CSRP1: variants seen among roughly 807,000 people sequenced by gnomAD.
CSRP1 encodes cysteine and glycine rich protein 1.
In CSRP1, 16 loss-of-function variants were observed where a neutral mutation model predicts 25.4. The ratio of observed to expected loss-of-function variants is 0.63; its 90% CI spans 0.43 to 0.96. The LOEUF is 0.96. CSRP1 is among the 40% of genes least tolerant of loss of function. The pLI is 0.00. For missense variants in CSRP1, 212 were observed against 243.6 expected (o/e 0.87, Z 0.86); for synonymous variants, 97 against 95.3 (o/e 1.02, Z -0.10).
chr1:201,496,225 C>G lies in CSRP1; in HGVS notation c.79G>C (p.Gly27Arg), dbSNP rs1439408475. 2 of 1,614,238 alleles carry G rather than the reference C, an allele frequency of 1.2e-6. No homozygotes were observed. The highest frequency in any genetic ancestry group is 1.7e-6 in the Non-Finnish European group (2 of 1,180,046). Residue 27 changes from glycine (G) to arginine (R), a missense_variant, in exon 2 of 6, where the codon GGC becomes CGC. Coordinates refer to ENST00000340006, the MANE Select transcript of CSRP1 (RefSeq NM_004078.3). ...AAGCAGGATTTATGGAAGCTGTTGC[C>G]TTCGCACTGAACCTCTTCGGCAAAG... ...VYFAEEVQCEGNSFHKSCFLC... is the reference protein window; with the variant it reads ...VYFAEEVQCERNSFHKSCFLC...
chr1:201,506,199 G>A (rs1052208977), intron 1 of CSRP1, among the ~76,000 whole-genome samples: 1 of 151,968 alleles, frequency 6.6e-6, no homozygotes, highest in African/African-American at 2.4e-5. Flanking sequence ...GGATTTCCTC[G>A]GTGCCACTGT....
chr1:201,504,799 A>T (rs1236318164), intron 1 of CSRP1, among the ~76,000 whole-genome samples: 1 of 70,690 alleles, frequency 1.4e-5, no homozygotes, highest in South Asian at 4.9e-4. Context: ...GCTGTCTCCA[A>T]AAAAAAAAAA....
intron 1 of CSRP1, chr1:201,506,818 C>T (rs993875934): frequency 2.0e-5 from 3 of 152,378 alleles, no homozygotes; most frequent in Non-Finnish European, 2.9e-5. Flanking sequence ...TGCGGGGAGC[C>T]GGGTCGCCCT....
intron 1 of CSRP1, among the ~76,000 whole-genome samples, chr1:201,497,942 A>G (rs1163337471): frequency 6.6e-6 from 1 of 151,942 alleles, no homozygotes; most frequent in Non-Finnish European, 1.5e-5. Context: ...CCTGGGAGGC[A>G]GAGGTTGCAG....
At chr1:201,492,166 C>T (rs949992889) in intron 2 of CSRP1, 1 of 152,262 alleles carries the variant, frequency 6.6e-6, no homozygotes, top group Admixed American at 6.5e-5. Flanking sequence ...CTGAAAATTC[C>T]AAGACCAGAG....
chr1:201,503,577 T>C (rs1664728088), intron 1 of CSRP1, among the ~76,000 whole-genome samples: 1 of 152,150 alleles, frequency 6.6e-6, no homozygotes, highest in African/African-American at 2.4e-5. Context: ...CGCTGCCTTC[T>C]GGCCCTGGGG....
At chr1:201,499,338 G>A (rs111751949) in intron 1 of CSRP1, among the ~76,000 whole-genome samples, 2,025 of 152,312 alleles carry the variant, frequency 0.013, 23 homozygotes, top group Middle Eastern at 0.037. Context: ...CCCAGATGGA[G>A]GAACAGAGCC....
chr1:201,505,312 A>C (rs1165520056), intron 1 of CSRP1, among the ~76,000 whole-genome samples: 1 of 152,170 alleles, frequency 6.6e-6, no homozygotes, highest in Non-Finnish European at 1.5e-5. Flanking sequence ...CCCAGGCTGC[A>C]ACTCTGGCCC....
Position 201,504,466 on chromosome 1 carries a change from C to T in CSRP1, c.-2+2604G>A, listed in dbSNP as rs184917722. ...ATATGCCCTGAGTAATGCCAAATGGCTGACTTGGAGGAAAAAGTCTTATTC... is the reference window on the plus strand; with the variant it reads ...ATATGCCCTGAGTAATGCCAAATGGTTGACTTGGAGGAAAAAGTCTTATTC... On this transcript the variant is annotated intron_variant, in intron 1 of 5. Transcript: ENST00000340006. Among the ~76,000 whole-genome samples, 234 of 152,344 alleles carry T rather than the reference C, an allele frequency of 1.5e-3. 1 individual carries two copies. Among genetic ancestry groups the T allele is most frequent in the Middle Eastern group, 0.014 (4 of 294 alleles).
At position 201,502,558 on chromosome 1, in the gene CSRP1, T is replaced by G. The variant is rs115880457; in HGVS notation, c.-2+4512A>C. 4.1e-3 allele frequency among the ~76,000 whole-genome samples: 621 copies of G among 152,330 alleles called. 5 individuals carry two copies. The highest frequency in any genetic ancestry group is 0.014 in the African/African-American group (597 of 41,584). ...GAGATGGGGCAGGCTTGGCCTCAGC[T>G]TTCCATGTCCCACCTCATGTTTCCT... is the stretch of plus-strand genomic sequence containing the variant. On this transcript the variant is annotated intron_variant, in intron 1 of 5. Coordinates refer to ENST00000340006, the MANE Select transcript of CSRP1 (RefSeq NM_004078.3).
chr1:201,497,358 C>CAAAAAAAAAA (rs71564149), intron 1 of CSRP1, among the ~76,000 whole-genome samples: 1 of 44,582 alleles, frequency 2.2e-5, no homozygotes, highest in Non-Finnish European at 4.0e-5. Context: ...GACTCTGTCT[C>CAAAAAAAAAA]AAAAAAAAAA....
chr1:201,486,046 C>T (rs1186429884), intron 4 of CSRP1: 1 of 152,362 alleles, frequency 6.6e-6, no homozygotes, highest in African/African-American at 2.4e-5. Context: ...GACATACTGC[C>T]ACCCTCCCCT....
chr1:201,501,742 T>C (rs1357757088), intron 1 of CSRP1, among the ~76,000 whole-genome samples: 1 of 152,130 alleles, frequency 6.6e-6, no homozygotes, highest in Non-Finnish European at 1.5e-5. Flanking sequence ...CCTGTAATCC[T>C]TGCACTTTGG....
chr1:201,506,199 G>C (rs1052208977), intron 1 of CSRP1, among the ~76,000 whole-genome samples: 3 of 151,968 alleles, frequency 2.0e-5, no homozygotes, highest in African/African-American at 7.3e-5. Context: ...GGATTTCCTC[G>C]GTGCCACTGT....
chr1:201,500,532 TG>T (rs765334668), intron 1 of CSRP1, among the ~76,000 whole-genome samples: 3 of 152,248 alleles, frequency 2.0e-5, no homozygotes, highest in Admixed American at 6.5e-5. Context: ...AGGGCGAGGG[TG>T]GGGGGTCTCC....
intron 1 of CSRP1, among the ~76,000 whole-genome samples, chr1:201,496,799 G>A (rs1337267852): frequency 6.6e-6 from 1 of 152,190 alleles, no homozygotes. Flanking sequence ...CTACAGAAAA[G>A]CAAGGGAATG....
chr1:201,501,280 G>T (rs1215453138), intron 1 of CSRP1, among the ~76,000 whole-genome samples: 1 of 152,206 alleles, frequency 6.6e-6, no homozygotes, highest in African/African-American at 2.4e-5. Context: ...GAAGGAGCGA[G>T]GCTTAAGAAG....
rs1664477942 is a variant in CSRP1, at chr1:201,495,345, C to T, written c.112+847G>A. Among the ~76,000 whole-genome samples, 3 of 152,220 alleles carry T rather than the reference C, an allele frequency of 2.0e-5. No homozygotes were observed. In the South Asian group the frequency reaches 6.2e-4, roughly 32 times the overall value. ...AGGTGGAGGCTGCAGTGAGACACTG[C>T]ACTCCAGCCTGGGTGACAGAGTGAG... is the stretch of plus-strand genomic sequence containing the variant. On this transcript the variant is annotated intron_variant, in intron 2 of 5. Transcript: ENST00000340006.
intron 1 of CSRP1, among the ~76,000 whole-genome samples, chr1:201,500,907 A>C (rs1256535780): frequency 6.6e-6 from 1 of 152,240 alleles, no homozygotes; most frequent in East Asian, 1.9e-4. Flanking sequence ...TCTCCGGCAC[A>C]GAGGCCCTGC....
Sources: allele counts gnomAD v4.1 joint callset (sites outside exome capture counted in the v4.1 genomes callset), GRCh38; gene constraint gnomAD v4.1.1; transcripts MANE v1.5; gene names NCBI Gene and HGNC (gene_info 2026-07-23, HGNC 2026-07-21).